MAPKAPK2: variants seen among roughly 807,000 people sequenced by gnomAD.
MAPKAPK2 encodes the protein MAPK activated protein kinase 2.
In MAPKAPK2, 9 loss-of-function variants were observed where a neutral mutation model predicts 48.8. The observed-to-expected ratio is 0.18, with a 90% confidence interval of 0.11 to 0.32. The LOEUF (loss-of-function observed/expected upper bound fraction) is 0.32, where lower values mean the gene tolerates loss of function less well. MAPKAPK2 is among the 10% of genes least tolerant of loss of function. MAPKAPK2 has a pLI of 1.00. For synonymous variants in MAPKAPK2, 202 were observed against 190.6 expected (o/e 1.06, Z -0.49); for missense variants, 331 against 498.3 (o/e 0.66, Z 3.20).
At chr1:206,710,775 A>C (rs12127807) in intron 1 of MAPKAPK2, among the ~76,000 whole-genome samples, 30,464 of 152,284 alleles carry the variant, frequency 0.2, 3,212 homozygotes, top group Middle Eastern at 0.31. Context: ...AGAAAGGAGT[A>C]TGACAATTTG....
chr1:206,695,737 A>G lies in MAPKAPK2; in HGVS notation c.279+10229A>G, dbSNP rs1038534020. ...ACCTTTTATTTCTCTGTTTAAGTGCATTTCTCCATGTGCAAGGCATCTCTC... is the reference window on the plus strand; with the variant it reads ...ACCTTTTATTTCTCTGTTTAAGTGCGTTTCTCCATGTGCAAGGCATCTCTC... On this transcript the variant is annotated intron_variant, in intron 1 of 9. Coordinates refer to ENST00000367103, the MANE Select transcript of MAPKAPK2 (RefSeq NM_032960.4). The G allele has an allele frequency of 2.9e-5, 8 of 273,710 alleles. No individual in the cohort carries two copies. The South Asian group carries it at 3.1e-4, about 11-fold the overall frequency. The allele number at this position is 273,710 out of a possible 1,614,324, so 17.0% of individuals were successfully genotyped here.
chr1:206,685,244 C>A lies in MAPKAPK2; in HGVS notation c.15C>A (p.Ser5=). The change falls in exon 1 of 10, where the codon TCC becomes TCA. Residue 5 remains serine, a synonymous_variant. Transcript: ENST00000367103. ...CCCCGGGCACCATGCTGTCCAACTC[C>A]CAGGGCCAGAGCCCGCCGGTGCCGT... MLSN[S]QGQSPPVPFP... The A allele has an allele frequency of 3.3e-6, 2 of 598,210 alleles. No individual in the cohort carries two copies. Among genetic ancestry groups the A allele is most frequent in the Non-Finnish European group, 5.0e-6 (2 of 400,368 alleles). The allele number at this position is 598,210 out of a possible 1,614,324, so 37.1% of individuals were successfully genotyped here.
intron 1 of MAPKAPK2, among the ~76,000 whole-genome samples, chr1:206,689,204 G>A (rs778562588): frequency 6.6e-6 from 1 of 152,186 alleles, no homozygotes; most frequent in African/African-American, 2.4e-5. Flanking sequence ...AGAAAACAAG[G>A]TCCTGTAGTT....
intron 1 of MAPKAPK2, among the ~76,000 whole-genome samples, chr1:206,690,979 G>A (rs1371089089): frequency 1.3e-5 from 2 of 152,230 alleles, no homozygotes; most frequent in African/African-American, 4.8e-5. Context: ...GTGTCCTGGA[G>A]GGAGGTGGAT....
Position 206,685,314 on chromosome 1 carries a change from CCGCACCCCCCGG to C in MAPKAPK2, c.90_101del (p.His30_Ala33del). On this transcript the variant is annotated inframe_deletion, in exon 1 of 10. Coordinates refer to ENST00000367103, the MANE Select transcript of MAPKAPK2 (RefSeq NM_032960.4). ...GCCGCAGCCCCCCACCCCTGCCCTG[CCGCACCCCCCGG>C]CGCAGCCGCCGCCGCCGCCCCCGCA... 8.4e-7 allele frequency: 1 copy of C among 1,189,552 alleles called. No individual in the cohort carries two copies. The allele number at this position is 1,189,552 out of a possible 1,614,324, so 73.7% of individuals were successfully genotyped here. A position where few individuals can be genotyped will look rare whatever the true frequency, so the allele number is the denominator to read the frequency against.
chr1:206,701,585 G>A (rs1404316840), intron 1 of MAPKAPK2, among the ~76,000 whole-genome samples: 4 of 152,062 alleles, frequency 2.6e-5, no homozygotes, highest in African/African-American at 7.2e-5. Flanking sequence ...TATAATCCCA[G>A]CAGTTCATGA....
At chr1:206,689,037 A>G (rs1364060044) in intron 1 of MAPKAPK2, among the ~76,000 whole-genome samples, 1 of 152,152 alleles carries the variant, frequency 6.6e-6, no homozygotes, top group Non-Finnish European at 1.5e-5. Flanking sequence ...TCACTGTGTC[A>G]TGGTGACCCT....
Position 206,685,494 on chromosome 1 carries a change from A to G in MAPKAPK2, c.265A>G (p.Lys89Glu). The G allele has an allele frequency of 6.5e-7, 1 of 1,532,824 alleles. No individual in the cohort carries two copies. Among genetic ancestry groups the G allele is most frequent in the Non-Finnish European group, 8.8e-7 (1 of 1,135,548 alleles). The allele number at this position is 1,532,824 out of a possible 1,614,324, so 95.0% of individuals were successfully genotyped here. ...LQIFNKRTQEKFALKMLQDCP... is the reference protein window; with the variant it reads ...LQIFNKRTQEEFALKMLQDCP... ...GATCTTCAACAAGAGGACCCAGGAG[A>G]AATTCGCCCTCAAAGTAGGTCTGGG... is the stretch of plus-strand genomic sequence containing the variant. Residue 89 changes from lysine to glutamate, a missense_variant, in exon 1 of 10, where the codon AAA becomes GAA. By Grantham distance (56) the Lys-to-Glu change is moderately conservative. This residue lies in a region of MAPKAPK2 where 111 missense variants were observed against 193.6 expected (regional missense o/e 0.57). Coordinates refer to ENST00000367103, the MANE Select transcript of MAPKAPK2 (RefSeq NM_032960.4).
intron 1 of MAPKAPK2, among the ~76,000 whole-genome samples, chr1:206,716,501 G>T (rs1673340780): frequency 6.6e-6 from 1 of 151,972 alleles, no homozygotes; most frequent in South Asian, 2.1e-4. Flanking sequence ...TGTGTGTGTG[G>T]GCCGCCCTCT....
chr1:206,695,526 A>T (rs1440741824), intron 1 of MAPKAPK2, among the ~76,000 whole-genome samples: 1 of 149,636 alleles, frequency 6.7e-6, no homozygotes. Context: ...TGTTTCTTTA[A>T]CAGAACTGTG....
At chr1:206,720,173 C>T (rs1007379557) in intron 1 of MAPKAPK2, among the ~76,000 whole-genome samples, 5 of 152,200 alleles carry the variant, frequency 3.3e-5, no homozygotes, top group Non-Finnish European at 7.3e-5. Context: ...GGGCCTGAGA[C>T]GTGGATGGCT....
chr1:206,726,590 T>C (rs1377515505), intron 1 of MAPKAPK2, among the ~76,000 whole-genome samples: 4 of 152,234 alleles, frequency 2.6e-5, no homozygotes, highest in Admixed American at 6.5e-5. Flanking sequence ...GAATTGCCTC[T>C]GCAAAGTCAG....
intron 1 of MAPKAPK2, chr1:206,695,767 TC>T (rs1558574390): frequency 1.6e-4 from 34 of 214,610 alleles, no homozygotes; most frequent in Non-Finnish European, 2.3e-4. Context: ...TCTCTCTCTC[TC>T]TCTCTTTTTT....
chr1:206,694,938 C>T (rs1370441178), intron 1 of MAPKAPK2, among the ~76,000 whole-genome samples: 2 of 152,202 alleles, frequency 1.3e-5, no homozygotes, highest in Non-Finnish European at 2.9e-5. Flanking sequence ...CTTGCAGACA[C>T]GCCAAGTGCT....
At chr1:206,728,577 G>A in intron 1 of MAPKAPK2, 133 bp from the exon 2 acceptor site, 1 of 964,136 alleles carries the variant, frequency 1.0e-6, no homozygotes, top group Non-Finnish European at 1.5e-6. Context: ...ATGTGCCAAG[G>A]GGGCTGGTGG....
chr1:206,707,709 T>G lies in MAPKAPK2; in HGVS notation c.280-21001T>G, dbSNP rs1270427324. ...GCCCCAGAGACCTGCTGGGTGTGTG[T>G]GGGGGTTTGGGGGTAGGGCATGGGG... On this transcript the variant is annotated intron_variant, in intron 1 of 9. Transcript: ENST00000367103. Among the ~76,000 whole-genome samples, 7 of 152,178 alleles carry G rather than the reference T, an allele frequency of 4.6e-5. No individual in the cohort carries two copies. In the East Asian group the frequency reaches 1.2e-3, roughly 25 times the overall value.
chr1:206,695,192 T>C (rs560489224), intron 1 of MAPKAPK2, among the ~76,000 whole-genome samples: 1 of 152,100 alleles, frequency 6.6e-6, no homozygotes, highest in Non-Finnish European at 1.5e-5. Context: ...AAAATTAGGT[T>C]TGAGGTGTAA....
chr1:206,688,705 T>TGCAGAG (rs1558571210), intron 1 of MAPKAPK2, among the ~76,000 whole-genome samples: 3 of 152,206 alleles, frequency 2.0e-5, no homozygotes, highest in African/African-American at 4.8e-5. Context: ...TAGCACGATC[T>TGCAGAG]TGGCTCACTG....
intron 1 of MAPKAPK2, among the ~76,000 whole-genome samples, chr1:206,719,564 T>C (rs1167355293): frequency 6.6e-6 from 1 of 152,240 alleles, no homozygotes; most frequent in Non-Finnish European, 1.5e-5. Context: ...TAAAACCTGT[T>C]GTTAGATTTA....
Sources: allele counts gnomAD v4.1 joint callset (sites outside exome capture counted in the v4.1 genomes callset), GRCh38; gene constraint gnomAD v4.1.1; regional missense constraint gnomAD v4.1.1; transcripts MANE v1.5; gene names NCBI Gene and HGNC (gene_info 2026-07-23, HGNC 2026-07-21).